GNAO1: variants seen among roughly 807,000 people sequenced by gnomAD.
GNAO1 encodes the protein guanine nucleotide-binding protein G(o) subunit alpha.
For missense variants in GNAO1, 166 were observed against 478.7 expected (o/e 0.35, Z 6.10); for synonymous variants, 164 against 180.7 (o/e 0.91, Z 0.74).
chr16:56,335,640 C>T (rs1307682768), intron 5 of GNAO1, among the ~76,000 whole-genome samples: 5 of 152,208 alleles, frequency 3.3e-5, no homozygotes, highest in East Asian at 1.9e-4. Flanking sequence ...CCTAGGCCTC[C>T]GCAGATCTGG....
intron 2 of GNAO1, chr16:56,213,302 C>A: frequency 2.5e-6 from 1 of 398,488 alleles, no homozygotes; most frequent in Non-Finnish European, 4.4e-6. Flanking sequence ...CTGTACCGAG[C>A]ACCATCTTAA....
chr16:56,346,046 C>T (rs761172768), intron 6 of GNAO1: 220 of 985,246 alleles, frequency 2.2e-4, no homozygotes, highest in Non-Finnish European at 2.6e-4. Flanking sequence ...GGAGTGGGTG[C>T]TCAGCCCTTC....
At chr16:56,298,757 CA>C (rs553420088) in intron 3 of GNAO1, among the ~76,000 whole-genome samples, 3 of 151,152 alleles carry the variant, frequency 2.0e-5, no homozygotes, top group African/African-American at 4.9e-5. Context: ...CTAAAAAATA[CA>C]AAAAAAATTA....
rs1328844608 is a variant in GNAO1, at chr16:56,315,850, T to C, written c.304-12781T>C. On this transcript the variant is annotated intron_variant, in intron 3 of 8. Coordinates refer to ENST00000262493, the MANE Select transcript of GNAO1 (RefSeq NM_020988.3). ...CGAGGTCAGGAGTTCGAGACCAGCC[T>C]GGCCAAGAGACCAGCCTGGCCAACA... Among the ~76,000 whole-genome samples, 5 of 151,764 alleles carry C rather than the reference T, an allele frequency of 3.3e-5. No homozygotes were observed. In the East Asian group the frequency reaches 9.7e-4, roughly 29 times the overall value.
intron 2 of GNAO1, among the ~76,000 whole-genome samples, chr16:56,230,622 C>T (rs1034130372): frequency 2.0e-5 from 3 of 152,086 alleles, no homozygotes; most frequent in African/African-American, 4.8e-5. Flanking sequence ...ACTCAGCCCA[C>T]AAGACTTTGA....
intron 3 of GNAO1, among the ~76,000 whole-genome samples, chr16:56,309,209 T>C (rs2037430081): frequency 6.6e-6 from 1 of 152,104 alleles, no homozygotes; most frequent in Non-Finnish European, 1.5e-5. Flanking sequence ...CAGTGGCCAC[T>C]AGGAGACCAG....
intron 2 of GNAO1, among the ~76,000 whole-genome samples, chr16:56,214,565 C>A (rs566705866): frequency 6.6e-6 from 1 of 152,182 alleles, no homozygotes; most frequent in African/African-American, 2.4e-5. Context: ...GTAAACAGGA[C>A]GTTTTTAAAA....
At chr16:56,297,869 A>G (rs1339704289) in intron 3 of GNAO1, among the ~76,000 whole-genome samples, 15 of 152,166 alleles carry the variant, frequency 9.9e-5, no homozygotes, top group African/African-American at 3.6e-4. Context: ...GAACTAGACG[A>G]TTAAAAAAAT....
chr16:56,280,315 G>GA (rs1365240322), intron 3 of GNAO1, among the ~76,000 whole-genome samples: 3 of 152,250 alleles, frequency 2.0e-5, no homozygotes, highest in South Asian at 2.1e-4. Context: ...TTGAAGCCAG[G>GA]AAAAAAACAT....
chr16:56,263,504 A>G (rs1469811445), intron 2 of GNAO1, among the ~76,000 whole-genome samples: 2 of 152,238 alleles, frequency 1.3e-5, no homozygotes, highest in Admixed American at 1.3e-4. Flanking sequence ...ATAAGGAAGA[A>G]TAAAGGCACA....
intron 3 of GNAO1, among the ~76,000 whole-genome samples, chr16:56,287,101 G>A (rs2037179695): frequency 1.3e-5 from 2 of 152,244 alleles, no homozygotes; most frequent in Non-Finnish European, 2.9e-5. Flanking sequence ...CAGGTGGCAG[G>A]ACACATGGGT....
At chr16:56,355,209 A>G (rs2037957076) in intron 8 of GNAO1, 128 bp downstream of exon 8, 1 of 195,212 alleles carries the variant, frequency 5.1e-6, no homozygotes, top group Admixed American at 6.1e-5. Flanking sequence ...ACAAAACCTT[A>G]TATATATATA....
intron 2 of GNAO1, among the ~76,000 whole-genome samples, chr16:56,211,139 A>G (rs2036382863): frequency 6.6e-6 from 1 of 152,220 alleles, no homozygotes; most frequent in South Asian, 2.1e-4. Context: ...GGTTAGGGAA[A>G]GCCAGGTGGG....
chr16:56,257,778 A>G (rs1449199992), intron 2 of GNAO1, among the ~76,000 whole-genome samples: 2 of 152,232 alleles, frequency 1.3e-5, no homozygotes, highest in Non-Finnish European at 2.9e-5. Flanking sequence ...GGCTGATGCC[A>G]TTAACTGACT....
chr16:56,205,298 G>A (rs1455340649), intron 2 of GNAO1, among the ~76,000 whole-genome samples: 1 of 152,332 alleles, frequency 6.6e-6, no homozygotes, highest in East Asian at 1.9e-4. Context: ...CTGAATTCAC[G>A]TGGAAAGAAA....
chr16:56,275,681 C>T (rs896152534), intron 2 of GNAO1, among the ~76,000 whole-genome samples: 1 of 152,306 alleles, frequency 6.6e-6, no homozygotes, highest in Non-Finnish European at 1.5e-5. Flanking sequence ...ATTATCACAC[C>T]TCATTGACGG....
At chr16:56,231,973 A>G (rs1051975697) in intron 2 of GNAO1, among the ~76,000 whole-genome samples, 13 of 152,044 alleles carry the variant, frequency 8.6e-5, no homozygotes, top group Non-Finnish European at 2.9e-5. Flanking sequence ...AGAGAGAGAA[A>G]GAGAATGTGG....
At chr16:56,195,028 G>A (rs2036219061) in intron 2 of GNAO1, among the ~76,000 whole-genome samples, 1 of 147,788 alleles carries the variant, frequency 6.8e-6, no homozygotes, top group Non-Finnish European at 1.5e-5. Context: ...GTTTGAGATT[G>A]TTAAATCAGA....
At chr16:56,305,560 A>G (rs964227168) in intron 3 of GNAO1, among the ~76,000 whole-genome samples, 4 of 152,144 alleles carry the variant, frequency 2.6e-5, no homozygotes, top group Admixed American at 6.5e-5. Flanking sequence ...AAGCCTAGAA[A>G]GGGATGGGCG....
Sources: gnomAD v4.1 joint callset for allele counts (sites outside exome capture counted in the v4.1 genomes callset) on GRCh38, gnomAD v4.1.1 for gene constraint, MANE v1.5 for transcripts, NCBI Gene and HGNC (gene_info 2026-07-23, HGNC 2026-07-21) for gene names.